PWWP2A: variants seen among roughly 807,000 people sequenced by gnomAD.
The protein encoded by PWWP2A is PWWP domain containing 2A.
In PWWP2A, 18 loss-of-function variants were observed where a neutral mutation model predicts 48.5. The observed-to-expected ratio is 0.37, with a 90% confidence interval of 0.26 to 0.55. The LOEUF is 0.55. Among genes scored for constraint, PWWP2A ranks in the 20% least tolerant of loss-of-function variants. The pLI, the probability that PWWP2A is intolerant of heterozygous loss-of-function variation, is 0.81. For synonymous variants in PWWP2A, 396 were observed against 387.7 expected (o/e 1.02, Z -0.25); for missense variants, 867 against 976.4 (o/e 0.89, Z 1.49).
the PWWP2A span, among the ~76,000 whole-genome samples, chr5:160,048,126 CTTTTTTTTTTTTTTTTTTTT>C: frequency 5.6e-5 from 2 of 35,538 alleles, no homozygotes; most frequent in East Asian, 2.2e-3. Flanking sequence ...CAAGACATTG[CTTTTTTTTTTTTTTTTTTTT>C]TTTTTTTTTT....
intron 1 of PWWP2A, among the ~76,000 whole-genome samples, chr5:160,114,033 A>G (rs1166592690): frequency 6.6e-6 from 1 of 152,222 alleles, no homozygotes; most frequent in Non-Finnish European, 1.5e-5. Context: ...CATGAGGTAC[A>G]ATGTCTAGCA....
Position 160,065,151 on chromosome 5 carries a change from T to G in PWWP2A, c.*236+1397A>C, listed in dbSNP as rs1041726067. ...GGGAAAGGCCCTGCCAATGTTTAAC[T>G]TTTAAAAGCATCTTATCTAAAAGAA... On this transcript the variant is annotated intron_variant and NMD_transcript_variant, in intron 4 of 5. Coordinates refer to the PWWP2A transcript ENST00000524050. The G allele has an allele frequency of 1.9e-6, 3 of 1,540,506 alleles. No homozygotes were observed. The African/African-American group carries it at 4.1e-5, about 21-fold the overall frequency.
chr5:160,089,980 T>C, downstream of PWWP2A: 1 of 984,740 alleles, frequency 1.0e-6, no homozygotes, highest in Non-Finnish European at 1.2e-6. Flanking sequence ...GCTATTAGAG[T>C]TTAGAATACA....
chr5:160,073,032 A>C (rs958725872), downstream of PWWP2A, among the ~76,000 whole-genome samples: 1 of 121,070 alleles, frequency 8.3e-6, no homozygotes, highest in Non-Finnish European at 1.8e-5. Context: ...AAAAAAAAAA[A>C]ATCCTAACAT....
At chr5:160,065,109 T>C in intron 4 of PWWP2A, 3 of 1,593,420 alleles carry the variant, frequency 1.9e-6, no homozygotes, top group Non-Finnish European at 2.6e-6. Context: ...AATTGTGTGC[T>C]GCTTGCTGTT....
At chr5:160,106,820 CTTTTT>C (rs764479391) in intron 1 of PWWP2A, among the ~76,000 whole-genome samples, 270 of 119,756 alleles carry the variant, frequency 2.3e-3, no homozygotes, top group African/African-American at 7.6e-3. Context: ...AACCATTAAC[CTTTTT>C]TTTTTTTTTT....
intron 1 of PWWP2A, chr5:160,105,542 A>C (rs1756801354): frequency 4.2e-6 from 1 of 237,312 alleles, no homozygotes; most frequent in Admixed American, 6.7e-5. Flanking sequence ...TGACAGAGCG[A>C]GACTCCATCT....
chr5:160,112,822 A>G (rs1032777301), intron 1 of PWWP2A, among the ~76,000 whole-genome samples: 3 of 152,212 alleles, frequency 2.0e-5, no homozygotes, highest in African/African-American at 2.4e-5. Context: ...TGATTTGCCC[A>G]AAGGCACAGT....
intron 1 of PWWP2A, among the ~76,000 whole-genome samples, chr5:160,109,232 C>A (rs1757198413): frequency 6.6e-6 from 1 of 152,100 alleles, no homozygotes; most frequent in South Asian, 2.1e-4. Flanking sequence ...GATCCACCCA[C>A]CTCAGCCTCC....
At chr5:160,073,291 C>T (rs62377731), downstream of PWWP2A, among the ~76,000 whole-genome samples, 88,188 of 149,864 alleles carry the variant, frequency 0.59, 25,992 homozygotes, top group East Asian at 0.62. Flanking sequence ...TACAGTGGCG[C>T]GATCTCAGCT....
At chr5:160,110,819 G>A (rs980707819) in intron 1 of PWWP2A, among the ~76,000 whole-genome samples, 1 of 150,382 alleles carries the variant, frequency 6.6e-6, no homozygotes, top group Non-Finnish European at 1.5e-5. Flanking sequence ...ATCACCTGAG[G>A]TCGGGAGTTT....
At chr5:160,059,282 T>C (rs1451026374), downstream of PWWP2A, among the ~76,000 whole-genome samples, 1 of 152,266 alleles carries the variant, frequency 6.6e-6, no homozygotes, top group African/African-American at 2.4e-5. Flanking sequence ...GCAGCTTCTA[T>C]GTCAGCCTTT....
intron 1 of PWWP2A, among the ~76,000 whole-genome samples, chr5:160,111,235 T>C (rs1757537835): frequency 1.3e-5 from 2 of 152,122 alleles, no homozygotes; most frequent in African/African-American, 4.8e-5. Context: ...TAGCATGATC[T>C]CAGCTCACTG....
rs1990048834 is a variant in PWWP2A, at chr5:160,119,447, G to A, written c.-59C>T. 1.3e-5 allele frequency: 18 copies of A among 1,350,202 alleles called. No homozygotes were observed. In the South Asian group the frequency reaches 2.8e-4, roughly 21 times the overall value. The allele number at this position is 1,350,202 out of a possible 1,614,324, so 83.6% of individuals were successfully genotyped here. ...CTGCAGCGGCGGCGGCGACAGCGCT[G>A]CTTGGTTCCCTGGGCCTTCCCCTCC... On this transcript the variant is annotated 5_prime_UTR_variant, in exon 1 of 2. Transcript: ENST00000307063.
intron 2 of PWWP2A, among the ~76,000 whole-genome samples, chr5:160,067,744 T>G (rs148679659): frequency 6.6e-6 from 1 of 152,338 alleles, no homozygotes; most frequent in Non-Finnish European, 1.5e-5. Flanking sequence ...GTTACTTTGC[T>G]GCTTCCAACA....
At chr5:160,070,221 C>T (rs748127534) in intron 2 of PWWP2A, among the ~76,000 whole-genome samples, 2 of 152,150 alleles carry the variant, frequency 1.3e-5, no homozygotes, top group African/African-American at 2.4e-5. Context: ...AATCCCAACA[C>T]TTTGGGAGGC....
At chr5:160,074,442 A>AAAAT (rs70987994), downstream of PWWP2A, among the ~76,000 whole-genome samples, 8,604 of 150,896 alleles carry the variant, frequency 0.057, 307 homozygotes, top group Non-Finnish European at 0.074. Flanking sequence ...CTGTCTCAAA[A>AAAAT]AAATAAATAA....
chr5:160,078,805 A>T lies in PWWP2A; in HGVS notation c.1670-637T>A, dbSNP rs1754028659. The stretch of plus-strand genomic sequence containing the variant: ...CACATGTACACTGGTTAGACGGACC[A>T]GTATCCCTTGTTACACCAGCAAACG... On this transcript the variant is annotated intron_variant, in intron 3 of 3. Coordinates refer to the PWWP2A transcript ENST00000456329. This position sits in a 1 kb window ranked among gnomAD's most constrained non-coding sequence, Gnocchi z 4.2. Among the ~76,000 whole-genome samples, 1 of 152,234 alleles carries T rather than the reference A, an allele frequency of 6.6e-6. No individual in the cohort carries two copies. The highest frequency in any genetic ancestry group is 2.1e-4 in the South Asian group (1 of 4,838).
At position 160,113,436 on chromosome 5, in the gene PWWP2A, C is replaced by A. The variant is rs4516898; in HGVS notation, c.584+5369G>T. 2.4e-3 allele frequency: 1,408 copies of A among 575,020 alleles called. 2 individuals are homozygous for A. The highest frequency in any genetic ancestry group is 2.9e-3 in the Non-Finnish European group (1,317 of 455,294). The allele number at this position is 575,020 out of a possible 1,614,324, so 35.6% of individuals were successfully genotyped here. A position where few individuals can be genotyped will look rare whatever the true frequency, so the allele number is the denominator to read the frequency against. On this transcript the variant is annotated intron_variant, in intron 1 of 1. Transcript: ENST00000307063. The stretch of plus-strand genomic sequence containing the variant: ...AAATCCTGTGTTCTAGACTCAAACA[C>A]CTTTTCCACACAGTAGACAGCTCTT...
Sources: gnomAD v4.1 joint callset for allele counts (sites outside exome capture counted in the v4.1 genomes callset) on GRCh38, gnomAD v4.1.1 for gene constraint, Gnocchi (gnomAD v3.1) non-coding constraint, MANE v1.5 for transcripts, NCBI Gene and HGNC (gene_info 2026-07-23, HGNC 2026-07-21) for gene names.